CNTN1: variants seen among roughly 807,000 people sequenced by gnomAD.
The protein encoded by CNTN1 is contactin 1.
In CNTN1, 38 loss-of-function variants were observed where a neutral mutation model predicts 126.4. That is an observed-to-expected ratio of 0.30 (90% confidence interval 0.23 to 0.39). The LOEUF (loss-of-function observed/expected upper bound fraction) is 0.39, where lower values mean the gene tolerates loss of function less well. Among genes scored for constraint, CNTN1 ranks in the 10% least tolerant of loss-of-function variants. The pLI, the probability that CNTN1 is intolerant of heterozygous loss-of-function variation, is 1.00. For missense variants in CNTN1, 1,009 were observed against 1,248.4 expected, an observed-to-expected ratio of 0.81 and a Z score of 2.89; for synonymous variants, 413 against 422.6, an observed-to-expected ratio of 0.98 and a Z score of 0.28.
intron 4 of CNTN1, among the ~76,000 whole-genome samples, chr12:40,919,125 A>T (rs952070883): frequency 1.3e-5 from 2 of 152,156 alleles, no homozygotes; most frequent in African/African-American, 4.8e-5. Context: ...TTTGTTATGT[A>T]CTGGCCTGCA....
intron 1 of CNTN1, among the ~76,000 whole-genome samples, chr12:40,865,714 G>C (rs2136656026): frequency 6.6e-6 from 1 of 152,022 alleles, no homozygotes; most frequent in African/African-American, 2.4e-5. Flanking sequence ...ACATTGTCTT[G>C]ATTATTGTTA....
Position 40,980,969 on chromosome 12 carries a change from T to C in CNTN1, c.1865T>C (p.Leu622Pro). 1 of 1,614,012 alleles carries C rather than the reference T, an allele frequency of 6.2e-7. No homozygotes were observed. Among genetic ancestry groups the C allele is most frequent in the Non-Finnish European group, 8.5e-7 (1 of 1,179,910 alleles). Residue 622 changes from leucine to proline, a missense_variant, in exon 16 of 24, where the codon CTT becomes CCT. Leu to Pro is a moderately conservative substitution (Grantham distance 98, BLOSUM62 -3). Coordinates refer to ENST00000551295, the MANE Select transcript of CNTN1 (RefSeq NM_001843.4). ...GACATTAGAGCCACTTCTGTGGCAC[T>C]TACTTGGAGCCGTGGTTCAGACAAT... The part of the protein sequence containing the change: ...IEDIRATSVA[L>P]TWSRGSDNHS...
At chr12:40,929,468 T>C (rs1945807617) in intron 6 of CNTN1, among the ~76,000 whole-genome samples, 1 of 152,070 alleles carries the variant, frequency 6.6e-6, no homozygotes, top group South Asian at 2.1e-4. Flanking sequence ...CAAAATCCTA[T>C]TTCTTCTTAA....
intron 1 of CNTN1, among the ~76,000 whole-genome samples, chr12:40,882,432 A>G (rs1274281322): frequency 1.3e-5 from 2 of 151,762 alleles, no homozygotes; most frequent in Admixed American, 6.6e-5. Flanking sequence ...TCATTCCAGT[A>G]TGAAAATAAA....
At position 41,009,887 on chromosome 12, in the gene CNTN1, T is replaced by C. The variant is rs1948601785; in HGVS notation, c.2114-4341T>C. 7.2e-5 allele frequency among the ~76,000 whole-genome samples: 11 copies of C among 152,304 alleles called. No homozygotes were observed. The South Asian group carries it at 2.3e-3, about 32-fold the overall frequency. On this transcript the variant is annotated intron_variant, in intron 17 of 23. Transcript: ENST00000551295. Reference sequence around the variant, plus strand: ...GCTTCTACCAGGGGGTGACAGAGTTTGTCCTGGGGCTATAAGGATGCTGGT... The same window carrying C: ...GCTTCTACCAGGGGGTGACAGAGTTCGTCCTGGGGCTATAAGGATGCTGGT...
intron 1 of CNTN1, among the ~76,000 whole-genome samples, chr12:40,870,811 G>A (rs1008306833): frequency 3.9e-5 from 6 of 152,030 alleles, no homozygotes; most frequent in East Asian, 1.9e-4. Context: ...GCTTATTATC[G>A]TTGAGCTTGG....
intron 14 of CNTN1, among the ~76,000 whole-genome samples, chr12:40,957,764 A>C (rs1052126519): frequency 6.6e-5 from 10 of 151,982 alleles, no homozygotes; most frequent in Admixed American, 3.3e-4. Flanking sequence ...AGACTGGCTA[A>C]TATCAAGGAT....
intron 23 of CNTN1, among the ~76,000 whole-genome samples, chr12:41,066,209 A>T (rs1950046643): frequency 6.6e-6 from 1 of 152,230 alleles, no homozygotes; most frequent in South Asian, 2.1e-4. Context: ...TTTTAATATT[A>T]TCTCTTTAAT....
chr12:40,773,007 A>C (rs1385307292), intron 1 of CNTN1, among the ~76,000 whole-genome samples: 1 of 151,892 alleles, frequency 6.6e-6, no homozygotes, highest in African/African-American at 2.4e-5. Flanking sequence ...CGCACATTGG[A>C]TATACATATA....
chr12:41,020,225 A>T (rs1948876566), intron 19 of CNTN1, 112 bp from the exon 20 acceptor site: 1 of 658,876 alleles, frequency 1.5e-6, no homozygotes, highest in African/African-American at 1.8e-5. Context: ...GCTATTTTAG[A>T]AACATTAAAA....
chr12:40,957,539 T>C lies in CNTN1; in HGVS notation c.1684-1575T>C, dbSNP rs927570303. Among the ~76,000 whole-genome samples the C allele has an allele frequency of 2.0e-5, 3 of 151,022 alleles. No homozygotes were observed. The East Asian group carries it at 5.8e-4, about 29-fold the overall frequency. On this transcript the variant is annotated intron_variant, in intron 14 of 23. Transcript: ENST00000551295. ...TAAGACTTCATGCTATTTGGTTTTCTGATAAAATAGAGAAAGTGCTGAATT... is the reference window on the plus strand; with the variant it reads ...TAAGACTTCATGCTATTTGGTTTTCCGATAAAATAGAGAAAGTGCTGAATT...
chr12:40,890,719 C>G (rs1442859465), intron 1 of CNTN1, among the ~76,000 whole-genome samples: 5 of 152,042 alleles, frequency 3.3e-5, no homozygotes, highest in African/African-American at 7.2e-5. Context: ...ACTCCATGGC[C>G]TCGTTGTACC....
intron 23 of CNTN1, among the ~76,000 whole-genome samples, chr12:41,067,992 A>T (rs1950083154): frequency 6.6e-6 from 1 of 152,170 alleles, no homozygotes; most frequent in Non-Finnish European, 1.5e-5. Context: ...TTTCCATATG[A>T]CATTTATTAT....
intron 17 of CNTN1, among the ~76,000 whole-genome samples, chr12:41,011,047 A>T (rs1015763947): frequency 1.3e-5 from 2 of 152,204 alleles, no homozygotes; most frequent in Non-Finnish European, 2.9e-5. Flanking sequence ...TTGGCTTAAG[A>T]GCAGCAAAAC....
chr12:40,794,539 A>G (rs1478348419), intron 1 of CNTN1, among the ~76,000 whole-genome samples: 1 of 152,048 alleles, frequency 6.6e-6, no homozygotes, highest in African/African-American at 2.4e-5. Context: ...ATTTTACCTA[A>G]ATGATATATT....
intron 1 of CNTN1, among the ~76,000 whole-genome samples, chr12:40,886,974 T>C (rs1320849257): frequency 1.3e-5 from 2 of 152,200 alleles, no homozygotes; most frequent in African/African-American, 2.4e-5. Context: ...ACTGTAGCCT[T>C]GTAGTGTAGT....
In CNTN1 at chr12:41,046,593, A is replaced by G. The variant is rs1480542014; in HGVS notation, c.2980+17374A>G. On this transcript the variant is annotated intron_variant, in intron 23 of 23. Coordinates refer to ENST00000551295, the MANE Select transcript of CNTN1 (RefSeq NM_001843.4). ...TGTATTATATTTTATGCATGTAATA[A>G]GAGCATTATTCTCAGTATTTTCAGA... Among the ~76,000 whole-genome samples the G allele has an allele frequency of 2.0e-5, 3 of 152,116 alleles. No individual in the cohort carries two copies. In the East Asian group the frequency reaches 5.8e-4, roughly 29 times the overall value.
intron 1 of CNTN1, among the ~76,000 whole-genome samples, chr12:40,743,354 T>G (rs992698106): frequency 8.5e-5 from 13 of 152,186 alleles, no homozygotes; most frequent in Admixed American, 1.3e-4. Flanking sequence ...GACAAAATAA[T>G]TTTAAAAAAA....
At chr12:40,935,002 T>G (rs991195490) in intron 9 of CNTN1, among the ~76,000 whole-genome samples, 1 of 152,028 alleles carries the variant, frequency 6.6e-6, no homozygotes, top group African/African-American at 2.4e-5. Context: ...GCCTTTCAAC[T>G]CCATACTTTT....
Sources: allele counts gnomAD v4.1 joint callset (sites outside exome capture counted in the v4.1 genomes callset), GRCh38; gene constraint gnomAD v4.1.1; transcripts MANE v1.5; gene names NCBI Gene and HGNC (gene_info 2026-07-23, HGNC 2026-07-21).